ZNF578: variants seen among roughly 807,000 people sequenced by gnomAD.
ZNF578 encodes Putative chemokine-related protein B42.
Under a neutral mutation model 8.3 loss-of-function variants are expected in ZNF578, and 8 were observed. The observed-to-expected ratio is 0.96, with a 90% CI of 0.56 to 1.74. The LOEUF is 1.74. Among genes scored for constraint, ZNF578 ranks in the 40% most tolerant of loss-of-function variants. The pLI is 0.00. For missense variants in ZNF578, 726 were observed against 707.5 expected (o/e 1.03, Z -0.30); for synonymous variants, 206 against 232.2 (o/e 0.89, Z 1.03).
At chr19:52,495,168 A>T (rs115921992) in intron 3 of ZNF578, among the ~76,000 whole-genome samples, 15,322 of 142,750 alleles carry the variant, frequency 0.11, 2,195 homozygotes, top group Middle Eastern at 0.14. Context: ...TATTATTAGT[A>T]GTAGTAGTTT....
intron 2 of ZNF578, among the ~76,000 whole-genome samples, chr19:52,483,995 C>A (rs2059336178): frequency 3.3e-5 from 5 of 152,130 alleles, no homozygotes; most frequent in African/African-American, 1.2e-4. Flanking sequence ...AGGACCCACG[C>A]TGGCTCCAGT....
Position 52,456,952 on chromosome 19 carries a change from C to T in ZNF578, c.-128C>T, listed in dbSNP as rs192059212. On this transcript the variant is annotated 5_prime_UTR_variant, in exon 2 of 6. Transcript: ENST00000421239. ...AGGAAAGAAAAGGAGTCAGGAATGCCTCTTAGGTACAGTGATATTCTCAGT... is the reference window on the plus strand; with the variant it reads ...AGGAAAGAAAAGGAGTCAGGAATGCTTCTTAGGTACAGTGATATTCTCAGT... The T allele has an allele frequency of 2.5e-4, 38 of 153,464 alleles. No individual in the cohort carries two copies. The highest frequency in any genetic ancestry group is 8.9e-4 in the African/African-American group (37 of 41,524). The allele number at this position is 153,464 out of a possible 1,614,324, so 9.5% of individuals were successfully genotyped here. A position where few individuals can be genotyped will look rare whatever the true frequency, so the allele number is the denominator to read the frequency against.
intron 3 of ZNF578, among the ~76,000 whole-genome samples, chr19:52,497,975 C>A (rs567134891): frequency 4.6e-5 from 7 of 152,298 alleles, no homozygotes; most frequent in African/African-American, 1.7e-4. Context: ...TTGCTCAGAT[C>A]TCATTTCTAC....
intron 2 of ZNF578, among the ~76,000 whole-genome samples, chr19:52,466,055 A>G (rs2059274102): frequency 6.6e-6 from 1 of 152,224 alleles, no homozygotes; most frequent in Admixed American, 6.5e-5. Context: ...GGAGCCTGCA[A>G]AAGGCCCTGA....
intron 4 of ZNF578, among the ~76,000 whole-genome samples, chr19:52,503,957 C>G (rs1278093904): frequency 1.3e-5 from 2 of 151,900 alleles, no homozygotes; most frequent in Non-Finnish European, 1.5e-5. Flanking sequence ...ACCACGACAC[C>G]CAGCTAATTT....
intron 4 of ZNF578, among the ~76,000 whole-genome samples, chr19:52,503,401 A>G (rs2059414316): frequency 6.6e-6 from 1 of 152,156 alleles, no homozygotes; most frequent in South Asian, 2.1e-4. Flanking sequence ...GTTGTATTGC[A>G]GTGGCGGGAT....
intron 5 of ZNF578, among the ~76,000 whole-genome samples, chr19:52,508,271 G>C (rs1298838771): frequency 6.6e-6 from 1 of 151,776 alleles, no homozygotes; most frequent in Non-Finnish European, 1.5e-5. Flanking sequence ...CTTGAACCCG[G>C]GAGGCAAAGT....
intron 4 of ZNF578, among the ~76,000 whole-genome samples, chr19:52,502,607 C>T (rs1371351696): frequency 6.6e-6 from 1 of 151,892 alleles, no homozygotes; most frequent in Non-Finnish European, 1.5e-5. Context: ...TGTGGCGGTG[C>T]ATGCCTGTAA....
intron 5 of ZNF578, 47 bp from the exon 6 acceptor site, chr19:52,510,525 T>G: frequency 6.7e-7 from 1 of 1,485,606 alleles, no homozygotes; most frequent in Non-Finnish European, 8.9e-7. Flanking sequence ...CAGTATGATT[T>G]ACCATCTGCA....
At position 52,495,261 on chromosome 19, in the gene ZNF578, T is replaced by G. The variant is rs775105514; in HGVS notation, c.-20+3836T>G. 3.5e-5 allele frequency among the ~76,000 whole-genome samples: 5 copies of G among 143,092 alleles called. 1 individual carries two copies. The highest frequency in any genetic ancestry group is 5.1e-5 in the African/African-American group (2 of 39,254). 93.9% of individuals were successfully genotyped at this position (143,092 alleles called of 152,430 possible). On this transcript the variant is annotated intron_variant, in intron 3 of 5. Coordinates refer to ENST00000421239, the MANE Select transcript of ZNF578 (RefSeq NM_001099694.2). ...CTAATGACTCTCTGTGCCTTTAGAG[T>G]TGAAGCGATTCTCCTGCGATACTAC... is the stretch of plus-strand genomic sequence containing the variant.
At chr19:52,472,924 A>T (rs1474852115) in intron 2 of ZNF578, among the ~76,000 whole-genome samples, 1 of 152,220 alleles carries the variant, frequency 6.6e-6, no homozygotes, top group Non-Finnish European at 1.5e-5. Flanking sequence ...TGTCATGAGG[A>T]TAAACATATT....
chr19:52,498,187 C>T (rs949937833), intron 3 of ZNF578, among the ~76,000 whole-genome samples: 18 of 152,142 alleles, frequency 1.2e-4, no homozygotes, highest in Admixed American at 6.6e-4. Context: ...GATGGAGTCT[C>T]GCTCTGTCGC....
rs2059464232 is a variant in ZNF578 at position 52,514,414 on chromosome 19, G to A, written c.*2260G>A. On this transcript the variant is annotated 3_prime_UTR_variant, in exon 6 of 6. Coordinates refer to ENST00000421239, the MANE Select transcript of ZNF578 (RefSeq NM_001099694.2). ...CTTTGTTATTTATTGGAAGGCTGTG[G>A]TACCTACTACTTAAGTTTGATTGTT... Among the ~76,000 whole-genome samples the A allele has an allele frequency of 1.3e-5, 2 of 152,172 alleles. No individual in the cohort carries two copies. Among genetic ancestry groups the A allele is most frequent in the Admixed American group, 1.3e-4 (2 of 15,268 alleles).
At position 52,480,640 on chromosome 19, in the gene ZNF578, A is replaced by G. The variant is rs545405050; in HGVS notation, c.-121-10684A>G. 2.8e-4 allele frequency among the ~76,000 whole-genome samples: 42 copies of G among 152,072 alleles called. 1 individual carries two copies. In the South Asian group the frequency reaches 8.1e-3, roughly 29 times the overall value. The stretch of plus-strand genomic sequence containing the variant: ...TGGCCGGGCACAGTGGCTCATGCCT[A>G]TAATCCCAGCACTTTAAGAGGCCGA... On this transcript the variant is annotated intron_variant, in intron 2 of 5. Coordinates refer to ENST00000421239, the MANE Select transcript of ZNF578 (RefSeq NM_001099694.2).
chr19:52,480,610 A>T (rs2562027), intron 2 of ZNF578, among the ~76,000 whole-genome samples: 2,425 of 124,594 alleles, frequency 0.019, 55 homozygotes, highest in African/African-American at 0.073. Flanking sequence ...AAAAAAAAAA[A>T]TTTTTGGCCG....
rs551756891 is a variant in ZNF578, at chr19:52,513,121, A to C, written c.*967A>C. Reference sequence around the variant, plus strand: ...CAGCAACCTCCGCCTCCTGGGTTCAAGCGATTCCTCTGCCTCAGCCTCCCT... The same window carrying C: ...CAGCAACCTCCGCCTCCTGGGTTCACGCGATTCCTCTGCCTCAGCCTCCCT... On this transcript the variant is annotated 3_prime_UTR_variant, in exon 6 of 6. Transcript: ENST00000421239. 2.6e-5 allele frequency among the ~76,000 whole-genome samples: 4 copies of C among 152,192 alleles called. No homozygotes were observed. The highest frequency in any genetic ancestry group is 5.9e-5 in the Non-Finnish European group (4 of 68,010).
At chr19:52,509,280 A>G (rs1357198709) in intron 5 of ZNF578, among the ~76,000 whole-genome samples, 2 of 151,946 alleles carry the variant, frequency 1.3e-5, no homozygotes, top group Non-Finnish European at 2.9e-5. Flanking sequence ...CTTAACATGT[A>G]TTTCAGTTCT....
intron 2 of ZNF578, among the ~76,000 whole-genome samples, chr19:52,483,340 G>A (rs1025218423): frequency 2.6e-5 from 4 of 152,098 alleles, no homozygotes; most frequent in African/African-American, 9.7e-5. Flanking sequence ...GCTTGAACCC[G>A]GGAAGCAAAG....
chr19:52,505,146 C>T (rs149105177), intron 5 of ZNF578, among the ~76,000 whole-genome samples: 1 of 152,330 alleles, frequency 6.6e-6, no homozygotes, highest in African/African-American at 2.4e-5. Flanking sequence ...CTTGGCCTCC[C>T]AAAGTGCTGG....
Sources: allele counts gnomAD v4.1 joint callset (sites outside exome capture counted in the v4.1 genomes callset), GRCh38; gene constraint gnomAD v4.1.1; transcripts MANE v1.5; gene names NCBI Gene and HGNC (gene_info 2026-07-23, HGNC 2026-07-21).